The following CFAP100 variants were observed in gnomAD, a reference collection of about 807,000 sequenced individuals.
CFAP100 encodes cilia- and flagella-associated protein 100.
Under a neutral mutation model 81.5 loss-of-function variants are expected in CFAP100, and 70 were observed. That is an observed-to-expected ratio of 0.86 (90% CI 0.71 to 1.05). The LOEUF is 1.05. Among genes scored for constraint, CFAP100 ranks in the 50% least tolerant of loss-of-function variants. CFAP100 has a pLI of 0.00. For missense variants in CFAP100, 811 were observed against 776.5 expected, an observed-to-expected ratio of 1.04 and a Z score of -0.53; for synonymous variants, 341 against 314.8, an observed-to-expected ratio of 1.08 and a Z score of -0.88.
chr3:126,421,568 G>C (rs980361741), intron 11 of CFAP100, among the ~76,000 whole-genome samples: 5 of 152,144 alleles, frequency 3.3e-5, no homozygotes, highest in Non-Finnish European at 5.9e-5. Context: ...ATCCCTGCCC[G>C]GGCCCTGTGT....
chr3:126,420,796 A>G (rs1411447860), intron 11 of CFAP100: 2 of 153,292 alleles, frequency 1.3e-5, no homozygotes, highest in African/African-American at 4.8e-5. Flanking sequence ...GTGGTCTCAT[A>G]TGGTTATCAG....
At chr3:126,400,725 C>A (rs2082963749) in intron 2 of CFAP100, among the ~76,000 whole-genome samples, 2 of 151,788 alleles carry the variant, frequency 1.3e-5, no homozygotes, top group Non-Finnish European at 2.9e-5. Context: ...GCACTCCAGC[C>A]TGGGCGACAG....
At position 126,416,524 on chromosome 3, in the gene CFAP100, C is replaced by G; in HGVS notation, c.418+16C>G. 4 of 1,537,550 alleles carry G rather than the reference C, an allele frequency of 2.6e-6. No individual in the cohort carries two copies. Among genetic ancestry groups the G allele is most frequent in the Non-Finnish European group, 3.5e-6 (4 of 1,139,678 alleles). On this transcript the variant is annotated intron_variant, in intron 5 of 16. Transcript: ENST00000352312. ...TTGACCAAAGGTGCGTCCCCTCCGG[C>G]GCGGGGGGACCTGGGCCAGTGGCGT... is the stretch of plus-strand genomic sequence containing the variant.
intron 1 of CFAP100, 102 bp from the exon 2 acceptor site, chr3:126,395,840 C>A (rs2082879185): frequency 3.2e-6 from 2 of 623,532 alleles, no homozygotes; most frequent in Non-Finnish European, 5.7e-6. Flanking sequence ...GGTGTCCCCA[C>A]AAGGTGAGCC....
chr3:126,407,037 G>C (rs1253576287), intron 2 of CFAP100, 135 bp from the exon 3 acceptor site: 2 of 563,574 alleles, frequency 3.5e-6, no homozygotes, highest in Non-Finnish European at 6.5e-6. Flanking sequence ...GGGATGTAGA[G>C]CCCTCAGTCT....
chr3:126,398,697 CCTT>C (rs1161788322), intron 2 of CFAP100, among the ~76,000 whole-genome samples: 1 of 152,212 alleles, frequency 6.6e-6, no homozygotes, highest in Non-Finnish European at 1.5e-5. Context: ...AGTAATCTAA[CCTT>C]CATCTTGGGA....
chr3:126,401,443 A>AT (rs57952794), intron 2 of CFAP100, among the ~76,000 whole-genome samples: 1 of 117,886 alleles, frequency 8.5e-6, no homozygotes, highest in Non-Finnish European at 1.7e-5. Context: ...ATATATATAT[A>AT]GTATTATGTT....
rs377050169 is a variant in CFAP100, at chr3:126,406,368, A to G, written c.50-804A>G. ...TCAGTGTTTCACTCCGGGACCACAC[A>G]GTCCCTCCCCCATCCCGCCCCAGGA... On this transcript the variant is annotated intron_variant, in intron 2 of 16. Transcript: ENST00000352312. 5.3e-5 allele frequency among the ~76,000 whole-genome samples: 8 copies of G among 152,306 alleles called. No homozygotes were observed. The East Asian group carries it at 5.8e-4, about 11-fold the overall frequency.
chr3:126,403,364 C>T (rs1386490989), intron 2 of CFAP100, among the ~76,000 whole-genome samples: 1 of 150,892 alleles, frequency 6.6e-6, no homozygotes, highest in African/African-American at 2.4e-5. Context: ...AGTGGAGTGC[C>T]CAGTCGAGTG....
At chr3:126,418,043 G>GTCGCCGTATCATTAAAAAA in intron 5 of CFAP100, 59 of 182,708 alleles carry the variant, frequency 3.2e-4, no homozygotes, top group South Asian at 1.4e-3. Flanking sequence ...TTGCTCGGGG[G>GTCGCCGTATCATTAAAAAA]GCTTAGGTGC....
chr3:126,425,143 C>T (rs1240336154), intron 13 of CFAP100, among the ~76,000 whole-genome samples: 1 of 152,224 alleles, frequency 6.6e-6, no homozygotes, highest in African/African-American at 2.4e-5. Flanking sequence ...GATAATTGGG[C>T]AAGAAGACAG....
rs913189553 is a variant in CFAP100 at position 126,413,260 on chromosome 3, G to A, written c.131-825G>A. 7.2e-5 allele frequency among the ~76,000 whole-genome samples: 11 copies of A among 152,166 alleles called. No homozygotes were observed. In the South Asian group the frequency reaches 1.7e-3, roughly 23 times the overall value. Reference sequence around the variant, plus strand: ...CACTGCCCTCCATGCCCTTGTCCCCGCAGCTGTGCCAGGCTGCACCTCCTT... The same window carrying A: ...CACTGCCCTCCATGCCCTTGTCCCCACAGCTGTGCCAGGCTGCACCTCCTT... On this transcript the variant is annotated intron_variant, in intron 3 of 16. Coordinates refer to ENST00000352312, the MANE Select transcript of CFAP100 (RefSeq NM_182628.3).
Position 126,418,593 on chromosome 3 carries a change from C to CA in CFAP100, c.487-17dup, listed in dbSNP as rs749551275. ...TGGCCCGGGCCAGGCACCATGACCC[C>CA]ACTCTGCTGGCCCCCAGTATGCCCT... is the stretch of plus-strand genomic sequence containing the variant. On this transcript the variant is annotated splice_polypyrimidine_tract_variant and intron_variant, in intron 6 of 16. Coordinates refer to ENST00000352312, the MANE Select transcript of CFAP100 (RefSeq NM_182628.3). 1 of 1,611,734 alleles carries CA rather than the reference C, an allele frequency of 6.2e-7. No homozygotes were observed. The highest frequency in any genetic ancestry group is 8.5e-7 in the Non-Finnish European group (1 of 1,178,808).
At chr3:126,403,073 A>G (rs1358350826) in intron 2 of CFAP100, among the ~76,000 whole-genome samples, 1 of 152,080 alleles carries the variant, frequency 6.6e-6, no homozygotes, top group Non-Finnish European at 1.5e-5. Flanking sequence ...GGGGTGGAGC[A>G]GGTTTCGCAG....
chr3:126,414,972 A>G (rs2107601134), intron 4 of CFAP100, among the ~76,000 whole-genome samples: 1 of 152,260 alleles, frequency 6.6e-6, no homozygotes, highest in African/African-American at 2.4e-5. Context: ...GTGGAGATGC[A>G]CAGGCTTCAG....
rs773631977 is a variant in CFAP100 at position 126,418,622 on chromosome 3, T to C, written c.498T>C (p.Asp166=). ...CTGCTGGCCCCCAGTATGCCCTGGA[T>C]GTCAAGCGGAGAGAGATCCAGCGGC... The part of the protein sequence containing the change: ...RQMFLLQYAL[D]VKRREIQRLE... The change falls in exon 7 of 17, where the codon GAT becomes GAC. Residue 166 remains aspartate, a synonymous_variant. Transcript: ENST00000352312. 1.9e-6 allele frequency: 3 copies of C among 1,605,080 alleles called. No individual in the cohort carries two copies. The highest frequency in any genetic ancestry group is 2.6e-6 in the Non-Finnish European group (3 of 1,175,620).
intron 2 of CFAP100, among the ~76,000 whole-genome samples, chr3:126,401,976 G>A (rs1429444222): frequency 2.6e-5 from 4 of 152,144 alleles, no homozygotes; most frequent in East Asian, 1.9e-4. Context: ...TGCCTCCTCC[G>A]TGGGCTCCCT....
Position 126,434,334 on chromosome 3 carries a change from C to A in CFAP100, c.1581C>A (p.Val527=). The A allele has an allele frequency of 6.2e-7, 1 of 1,614,040 alleles. No homozygotes were observed. Among genetic ancestry groups the A allele is most frequent in the South Asian group, 1.1e-5 (1 of 91,036 alleles). Residue 527 remains valine (V), a synonymous_variant, in exon 15 of 17, where the codon GTC becomes GTA. Coordinates refer to ENST00000352312, the MANE Select transcript of CFAP100 (RefSeq NM_182628.3). ...LLENLEHVPQ[V]KIEQAERAKE... Reference sequence around the variant, plus strand: ...AGAACCTGGAGCACGTGCCCCAGGTCAAGATCGAGCAGGCCGAGAGGGCAA... The same window carrying A: ...AGAACCTGGAGCACGTGCCCCAGGTAAAGATCGAGCAGGCCGAGAGGGCAA...
rs2107611557 is a variant in CFAP100, at chr3:126,423,184, C to T, written c.1083-141C>T. 3 of 640,734 alleles carry T rather than the reference C, an allele frequency of 4.7e-6. No homozygotes were observed. The South Asian group carries it at 6.1e-5, about 13-fold the overall frequency. 39.7% of individuals were successfully genotyped at this position (640,734 alleles called of 1,614,324 possible). ...GCTGGGGACTGTGAGGAAGCTGGTG[C>T]TGCCCTCTGGGTAACTTGTGGGCAG... On this transcript the variant is annotated intron_variant, in intron 11 of 16. Transcript: ENST00000352312.
Sources: gnomAD v4.1 joint callset for allele counts (sites outside exome capture counted in the v4.1 genomes callset) on GRCh38, gnomAD v4.1.1 for gene constraint, MANE v1.5 for transcripts, NCBI Gene and HGNC (gene_info 2026-07-23, HGNC 2026-07-21) for gene names.